The following CAPN2 variants were observed in gnomAD, a reference collection of about 807,000 sequenced individuals.
The protein encoded by CAPN2 is calpain-2 catalytic subunit.
Under a neutral mutation model 102.3 loss-of-function variants are expected in CAPN2, and 92 were observed. The observed-to-expected ratio is 0.90, with a 90% confidence interval of 0.76 to 1.07. CAPN2 has a LOEUF of 1.07. CAPN2 is among the 50% of genes least tolerant of loss of function. CAPN2 has a pLI of 0.00. For missense variants in CAPN2, 800 were observed against 909.4 expected, an observed-to-expected ratio of 0.88 and a Z score of 1.55; for synonymous variants, 340 against 355.4, an observed-to-expected ratio of 0.96 and a Z score of 0.49.
In CAPN2 at chr1:223,774,816, T is replaced by C; in HGVS notation, c.2080-18T>C. On this transcript the variant is annotated intron_variant, in intron 20 of 20. Transcript: ENST00000295006. ...AAAAGTGGTCACTGAGCTGACTTTT[T>C]TTTTTCCTTCCTCACAGTGGCTCTG... 6.2e-7 allele frequency: 1 copy of C among 1,613,110 alleles called. No homozygotes were observed. The highest frequency in any genetic ancestry group is 8.5e-7 in the Non-Finnish European group (1 of 1,179,390).
chr1:223,704,675 C>T (rs1225307055), intron 1 of CAPN2, among the ~76,000 whole-genome samples: 1 of 152,154 alleles, frequency 6.6e-6, no homozygotes. Context: ...TCTGAAATGT[C>T]GGCCCTGCAA....
intron 13 of CAPN2, 57 bp downstream of exon 13, chr1:223,761,674 G>T: frequency 6.9e-7 from 1 of 1,449,518 alleles, no homozygotes; most frequent in African/African-American, 1.4e-5. Flanking sequence ...AGAGAGCAGA[G>T]GAGCAAAAAA....
rs1370025928 is a variant in CAPN2 at position 223,725,525 on chromosome 1, G to T, written c.307+7694G>T. On this transcript the variant is annotated intron_variant, in intron 2 of 20. Transcript: ENST00000295006. The surrounding 1 kb of genome is among the most constrained non-coding windows in gnomAD (Gnocchi z 4.1). ...GCACGTTCTCTTTGGGGACAGTACA[G>T]CTGGAGGGGAGTACTGTCAAATGAG... Among the ~76,000 whole-genome samples, 1 of 152,192 alleles carries T rather than the reference G, an allele frequency of 6.6e-6. No homozygotes were observed. The highest frequency in any genetic ancestry group is 1.5e-5 in the Non-Finnish European group (1 of 68,044).
intron 1 of CAPN2, among the ~76,000 whole-genome samples, chr1:223,705,786 A>G (rs1431766173): frequency 6.6e-6 from 1 of 152,232 alleles, no homozygotes; most frequent in Non-Finnish European, 1.5e-5. Context: ...ATGTGCCTGT[A>G]GAAGAAAGGG....
chr1:223,718,102 C>T (rs1411144235), intron 2 of CAPN2, among the ~76,000 whole-genome samples: 1 of 152,208 alleles, frequency 6.6e-6, no homozygotes, highest in Non-Finnish European at 1.5e-5. Flanking sequence ...CAGGGGGCTT[C>T]TGGATGTCAG....
rs559574761 is a variant in CAPN2, at chr1:223,761,685, A to T, written c.1566+68A>T. The T allele has an allele frequency of 2.3e-4, 291 of 1,288,304 alleles. No homozygotes were observed. In the African/African-American group the frequency reaches 4.1e-3, roughly 18 times the overall value. The allele number at this position is 1,288,304 out of a possible 1,614,324, so 79.8% of individuals were successfully genotyped here. On this transcript the variant is annotated intron_variant, in intron 13 of 20. Transcript: ENST00000295006. Reference sequence around the variant, plus strand: ...ATCCAGAGAGCAGAGGAGCAAAAAAACTCCAAGAGTTTTTGGACTTCACGA... The same window carrying T: ...ATCCAGAGAGCAGAGGAGCAAAAAATCTCCAAGAGTTTTTGGACTTCACGA...
In CAPN2 at chr1:223,774,847, C is replaced by T. The variant is rs148122411; in HGVS notation, c.2093C>T (p.Ser698Leu). 1.1e-3 allele frequency: 1,764 copies of T among 1,613,018 alleles called. 3 individuals are homozygous for T. The highest frequency in any genetic ancestry group is 1.4e-3 in the Non-Finnish European group (1,593 of 1,179,524). ...ELDLISWLCFSVL is the reference protein window; with the variant it reads ...ELDLISWLCFLVL The stretch of plus-strand genomic sequence containing the variant: ...CCTTCCTCACAGTGGCTCTGTTTCT[C>T]AGTACTTTGAAGTTATAACTAATCT... The change falls in exon 21 of 21, where the codon TCA becomes TTA. Residue 698 changes from serine (S) to leucine (L), a missense_variant. Physicochemically the swap from Ser to Leu is moderately radical, Grantham distance 145 (BLOSUM62 -2). Coordinates refer to ENST00000295006, the MANE Select transcript of CAPN2 (RefSeq NM_001748.5).
At chr1:223,706,412 T>G (rs531335476) in intron 1 of CAPN2, among the ~76,000 whole-genome samples, 1 of 152,344 alleles carries the variant, frequency 6.6e-6, no homozygotes, top group African/African-American at 2.4e-5. Flanking sequence ...AACCGTTTTT[T>G]GCAGCCCTGT....
At chr1:223,758,796 G>T (rs1487509595) in intron 11 of CAPN2, 5 of 203,584 alleles carry the variant, frequency 2.5e-5, no homozygotes, top group Non-Finnish European at 5.0e-5. Context: ...AGACTCACGT[G>T]AGCCTCCTAC....
intron 2 of CAPN2, among the ~76,000 whole-genome samples, chr1:223,723,239 A>G (rs1660102591): frequency 6.6e-6 from 1 of 152,176 alleles, no homozygotes; most frequent in Non-Finnish European, 1.5e-5. Context: ...ACTTGAGCCC[A>G]GGAGGTAGAA....
chr1:223,762,626 T>C (rs957535502), intron 14 of CAPN2, among the ~76,000 whole-genome samples: 3 of 152,242 alleles, frequency 2.0e-5, no homozygotes, highest in African/African-American at 7.2e-5. Context: ...GTCTCAAGAA[T>C]GCAGGCCACC....
At position 223,747,027 on chromosome 1, in the gene CAPN2, G is replaced by C. The variant is rs1263028080; in HGVS notation, c.591G>C (p.Gly197=). The change falls in exon 5 of 21, where the codon GGG becomes GGC. Residue 197 remains glycine, a synonymous_variant. Transcript: ENST00000295006. ...KINGCYEALS[G]GATTEGFEDF... is the part of the protein sequence containing the mutation. The stretch of plus-strand genomic sequence containing the variant: ...ACGGATGCTATGAAGCGCTATCAGG[G>C]GGTGCCACCACTGAGGGCTTCGAAG... 1 of 1,613,988 alleles carries C rather than the reference G, an allele frequency of 6.2e-7. No homozygotes were observed. Among genetic ancestry groups the C allele is most frequent in the Admixed American group, 1.7e-5 (1 of 60,008 alleles).
At chr1:223,741,261 G>A (rs193065129) in intron 2 of CAPN2, among the ~76,000 whole-genome samples, 9 of 151,990 alleles carry the variant, frequency 5.9e-5, no homozygotes, top group African/African-American at 1.4e-4. Flanking sequence ...GCTGATTGGG[G>A]TGAGGGAAAG....
chr1:223,734,159 C>T (rs1479031226), intron 2 of CAPN2, among the ~76,000 whole-genome samples: 1 of 152,216 alleles, frequency 6.6e-6, no homozygotes, highest in Non-Finnish European at 1.5e-5. Flanking sequence ...GGGGAGGCTC[C>T]ACAGTCCCGG....
chr1:223,703,219 C>T (rs910733030), intron 1 of CAPN2, among the ~76,000 whole-genome samples: 1 of 152,136 alleles, frequency 6.6e-6, no homozygotes, highest in Admixed American at 6.6e-5. Context: ...CTTGGTGTCT[C>T]AGTTTTCTCA....
At chr1:223,750,806 T>C in intron 6 of CAPN2, 84 bp from the exon 7 acceptor site, 1 of 1,279,114 alleles carries the variant, frequency 7.8e-7, no homozygotes, top group Non-Finnish European at 1.1e-6. Context: ...TCCTGGCTCA[T>C]GCGGAAGGGG....
At chr1:223,769,759 A>G (rs1661423552) in intron 16 of CAPN2, 82 bp from the exon 17 acceptor site, 1 of 1,026,528 alleles carries the variant, frequency 9.7e-7, no homozygotes, top group Admixed American at 2.0e-5. Flanking sequence ...ATGATATTCA[A>G]AAGATCCAGT....
chr1:223,737,067 A>C (rs910607492), intron 2 of CAPN2, among the ~76,000 whole-genome samples: 1 of 152,118 alleles, frequency 6.6e-6, no homozygotes, highest in Non-Finnish European at 1.5e-5. Context: ...GAATAAAGAA[A>C]TTAAGACCAG....
At chr1:223,748,917 A>G in intron 5 of CAPN2, 122 bp from the exon 6 acceptor site, 3 of 840,552 alleles carry the variant, frequency 3.6e-6, no homozygotes, top group East Asian at 2.6e-5. Flanking sequence ...CTCCCACCCC[A>G]GGCCTCGGCC....
Sources: allele counts gnomAD v4.1 joint callset (sites outside exome capture counted in the v4.1 genomes callset), GRCh38; gene constraint gnomAD v4.1.1; non-coding constraint Gnocchi (gnomAD v3.1); transcripts MANE v1.5; gene names NCBI Gene and HGNC (gene_info 2026-07-23, HGNC 2026-07-21).